Variants in LIG1 observed in about 807,000 individuals in gnomAD.
The protein encoded by LIG1 is ligase I, DNA, ATP-dependent.
Under a neutral mutation model 115.7 loss-of-function variants are expected in LIG1, and 70 were observed. That is an observed-to-expected ratio of 0.60 (90% CI 0.50 to 0.74). The LOEUF (loss-of-function observed/expected upper bound fraction) is 0.74, where lower values mean the gene tolerates loss of function less well. Among genes scored for constraint, LIG1 ranks in the 30% least tolerant of loss-of-function variants. The pLI is 0.00. For synonymous variants in LIG1, 487 were observed against 495.3 expected (o/e 0.98, Z 0.22); for missense variants, 1,115 against 1,225.6 (o/e 0.91, Z 1.35).
Position 48,157,021 on chromosome 19 carries a change from A to T in LIG1, c.363T>A (p.Arg121=), listed in dbSNP as rs553771465. Residue 121 remains arginine (R), a synonymous_variant, in exon 5 of 28, where the codon CGT becomes CGA. Transcript: ENST00000263274. ...GGGCCCGTGTGTTCTCACCTGTGCGACGCTTCGGAATCCCTGATGGGGAAC... is the reference window on the plus strand; with the variant it reads ...GGGCCCGTGTGTTCTCACCTGTGCGTCGCTTCGGAATCCCTGATGGGGAAC... ...MDSSPSGIPK[R]RTARKQLPKR... The T allele has an allele frequency of 6.3e-7, 1 of 1,596,688 alleles. No homozygotes were observed. Among genetic ancestry groups the T allele is most frequent in the East Asian group, 2.3e-5 (1 of 43,300 alleles).
At position 48,142,442 on chromosome 19, in the gene LIG1, C is replaced by CAAAAAAAAAAAAA. The variant is rs561137392; in HGVS notation, c.914+1088_914+1100dup. Reference sequence around the variant, plus strand: ...TGGGCAACAGAGCAAGACTCCATCTCAAAAAAAAAAAAAAACAGAGTGCTG... The same window carrying CAAAAAAAAAAAAA: ...TGGGCAACAGAGCAAGACTCCATCTCAAAAAAAAAAAAAAAAAAAAAAAAAAAACAGAGTGCTG... On this transcript the variant is annotated intron_variant, in intron 11 of 27. Coordinates refer to ENST00000263274, the MANE Select transcript of LIG1 (RefSeq NM_000234.3). Among the ~76,000 whole-genome samples, 16 of 75,610 alleles carry CAAAAAAAAAAAAA rather than the reference C, an allele frequency of 2.1e-4. 1 individual carries two copies. Among genetic ancestry groups the CAAAAAAAAAAAAA allele is most frequent in the South Asian group, 5.4e-4 (1 of 1,844 alleles). 49.6% of individuals were successfully genotyped at this position (75,610 alleles called of 152,430 possible). A position where few individuals can be genotyped will look rare whatever the true frequency, so the allele number is the denominator to read the frequency against.
At chr19:48,167,293 G>C (rs893380199) in intron 1 of LIG1, among the ~76,000 whole-genome samples, 3 of 151,770 alleles carry the variant, frequency 2.0e-5, no homozygotes, top group African/African-American at 7.3e-5. Context: ...AAAAGGACTA[G>C]CAGGACCTCT....
chr19:48,147,590 G>A (rs145911330), intron 9 of LIG1, among the ~76,000 whole-genome samples: 106 of 150,116 alleles, frequency 7.1e-4, no homozygotes, highest in African/African-American at 2.3e-3. Context: ...GGAGGATCCC[G>A]AGCCCAGGAG....
At chr19:48,166,323 G>A (rs1226459180) in intron 1 of LIG1, among the ~76,000 whole-genome samples, 2 of 152,182 alleles carry the variant, frequency 1.3e-5, no homozygotes, top group Non-Finnish European at 2.9e-5. Flanking sequence ...CTTGAACCCG[G>A]GAGGTAGAGG....
rs548077697 is a variant in LIG1 at position 48,121,196 on chromosome 19, T to G, written c.2359A>C (p.Ser787Arg). ...TTGCATATGGCCTGCAGCTCCTCACTGTCCTCGTCGTAGGAGGCCAGCAGG... is the reference window on the plus strand; with the variant it reads ...TTGCATATGGCCTGCAGCTCCTCACGGTCCTCGTCGTAGGAGGCCAGCAGG... ...GFLLASYDED[S>R]EELQAICKLG... is the part of the protein sequence containing the mutation. Residue 787 changes from serine to arginine, a missense_variant, in exon 24 of 28, where the codon AGT becomes CGT. Coordinates refer to ENST00000263274, the MANE Select transcript of LIG1 (RefSeq NM_000234.3). 71 of 1,613,992 alleles carry G rather than the reference T, an allele frequency of 4.4e-5. 2 individuals are homozygous for G. The South Asian group carries it at 7.7e-4, about 17-fold the overall frequency.
chr19:48,137,820 A>C lies in LIG1; in HGVS notation c.1088-132T>G, dbSNP rs1599790419. The C allele has an allele frequency of 8.9e-7, 1 of 1,123,960 alleles. No individual in the cohort carries two copies. The allele number at this position is 1,123,960 out of a possible 1,614,324, so 69.6% of individuals were successfully genotyped here. A position where few individuals can be genotyped will look rare whatever the true frequency, so the allele number is the denominator to read the frequency against. ...CGAGTCCCTGCACCTCCCTGTGTCT[A>C]ACGCTCACCCACTTGGTAGAAATGG... On this transcript the variant is annotated intron_variant, in intron 12 of 27. Coordinates refer to ENST00000263274, the MANE Select transcript of LIG1 (RefSeq NM_000234.3). The surrounding 1 kb of genome is among the most constrained non-coding windows in gnomAD (Gnocchi z 4.3).
In LIG1 at chr19:48,151,344, C is replaced by T. The variant is rs1340253838; in HGVS notation, c.467-5G>A. On this transcript the variant is annotated splice_polypyrimidine_tract_variant and splice_region_variant and intron_variant, in intron 6 of 27. Transcript: ENST00000263274. Reference sequence around the variant, plus strand: ...TTTCTTTCGGGGTCTCCTCTTCTGACGATAGACAGAACGGTCAGATGGCAA... The same window carrying T: ...TTTCTTTCGGGGTCTCCTCTTCTGATGATAGACAGAACGGTCAGATGGCAA... 5.7e-6 allele frequency: 9 copies of T among 1,587,804 alleles called. No individual in the cohort carries two copies. Among genetic ancestry groups the T allele is most frequent in the Middle Eastern group, 1.7e-4 (1 of 6,020 alleles).
intron 5 of LIG1, 51 bp downstream of exon 5, chr19:48,156,953 AAAAAAAAAAG>A: frequency 1.5e-6 from 2 of 1,306,786 alleles, no homozygotes; most frequent in African/African-American, 1.6e-5. Context: ...AAAAAAAAAA[AAAAAAAAAAG>A]AGAAAAAGAA....
intron 19 of LIG1, among the ~76,000 whole-genome samples, chr19:48,128,923 T>C (rs1332965291): frequency 6.7e-6 from 1 of 149,070 alleles, no homozygotes; most frequent in Non-Finnish European, 1.5e-5. Context: ...CCACCATGCC[T>C]GGATAAATTT....
In LIG1 at chr19:48,133,922, G is replaced by A. The variant is rs951688382; in HGVS notation, c.1609+59C>T. On this transcript the variant is annotated intron_variant, in intron 17 of 27. Transcript: ENST00000263274. ...GGGCGCCTACGATGGCCACCCTCAC[G>A]CCGACTCAGGAGGGAGCAGGGCTGC... is the stretch of plus-strand genomic sequence containing the variant. 2.8e-5 allele frequency: 40 copies of A among 1,438,774 alleles called. 1 individual carries two copies. The South Asian group carries it at 3.3e-4, about 12-fold the overall frequency. 89.1% of individuals were successfully genotyped at this position (1,438,774 alleles called of 1,614,324 possible).
intron 1 of LIG1, among the ~76,000 whole-genome samples, chr19:48,166,205 T>C (rs897902710): frequency 2.0e-5 from 3 of 152,190 alleles, no homozygotes; most frequent in African/African-American, 7.2e-5. Context: ...AAGACCAGCC[T>C]GGCTAACATG....
intron 1 of LIG1, among the ~76,000 whole-genome samples, chr19:48,168,507 G>A (rs550861691): frequency 4.1e-4 from 62 of 152,222 alleles, no homozygotes; most frequent in Middle Eastern, 3.4e-3. Flanking sequence ...ACCACCTGGC[G>A]TCTCTATCGG....
Position 48,138,116 on chromosome 19 carries a change from G to A in LIG1, c.1088-428C>T, listed in dbSNP as rs1358312544. Among the ~76,000 whole-genome samples the A allele has an allele frequency of 7.2e-5, 11 of 152,086 alleles. No individual in the cohort carries two copies. In the East Asian group the frequency reaches 1.9e-3, roughly 27 times the overall value. ...ACCAAAGACCCTTCGGCTTGTTTTG[G>A]AGCCACCAGCTTACACACGTGGGAT... On this transcript the variant is annotated intron_variant, in intron 12 of 27. Coordinates refer to ENST00000263274, the MANE Select transcript of LIG1 (RefSeq NM_000234.3).
At chr19:48,149,515 G>A (rs898984642) in intron 9 of LIG1, among the ~76,000 whole-genome samples, 4 of 152,166 alleles carry the variant, frequency 2.6e-5, no homozygotes, top group Non-Finnish European at 5.9e-5. Flanking sequence ...GGGTCAGAGG[G>A]TGGCTGGGGC....
intron 26 of LIG1, among the ~76,000 whole-genome samples, chr19:48,116,447 CAA>C (rs57648628): frequency 2.2e-4 from 22 of 98,364 alleles, no homozygotes; most frequent in African/African-American, 3.7e-4. Context: ...GACTCCAACT[CAA>C]AAAAAAAAAA....
At chr19:48,117,837 C>CTCA (rs1568472770) in intron 25 of LIG1, 56 bp from the exon 26 acceptor site, 2 of 1,596,144 alleles carry the variant, frequency 1.3e-6, no homozygotes. Flanking sequence ...AAGTCAAGGC[C>CTCA]AAGTGTTGGA....
chr19:48,153,923 C>A lies in LIG1; in HGVS notation c.415G>T (p.Glu139Ter). The A allele has an allele frequency of 8.7e-6, 14 of 1,613,322 alleles. No homozygotes were observed. The highest frequency in any genetic ancestry group is 1.2e-5 in the Non-Finnish European group (14 of 1,179,718). ...PKRTIQEVLEEQSEDEDREAK... is the reference protein window; with the variant it reads ...PKRTIQEVLE The stretch of plus-strand genomic sequence containing the variant: ...TCTCTGTCCTCGTCCTCACTCTGCT[C>A]TTCCAGGACTTCCTGAATGGTCCGT... Residue 139 changes from glutamate to a stop codon, truncating the protein, a stop_gained, in exon 6 of 28, where the codon GAG (glutamate) becomes TAG (stop). Coordinates refer to ENST00000263274, the MANE Select transcript of LIG1 (RefSeq NM_000234.3). LOFTEE classifies it high-confidence loss of function.
At chr19:48,147,474 C>G (rs7246229) in intron 9 of LIG1, 3 of 151,600 alleles carry the variant, frequency 2.0e-5, no homozygotes, top group African/African-American at 7.3e-5. Context: ...TCCAGGAGCT[C>G]GACCTGGGCA....
chr19:48,147,105 T>C (rs201186), intron 9 of LIG1, among the ~76,000 whole-genome samples: 3,304 of 152,316 alleles, frequency 0.022, 122 homozygotes, highest in African/African-American at 0.072. Flanking sequence ...AATCATGAAA[T>C]GTTAAAGCTG....
Sources: gnomAD v4.1 joint callset for allele counts (sites outside exome capture counted in the v4.1 genomes callset) on GRCh38, gnomAD v4.1.1 for gene constraint, Gnocchi (gnomAD v3.1) non-coding constraint, MANE v1.5 for transcripts, NCBI Gene and HGNC (gene_info 2026-07-23, HGNC 2026-07-21) for gene names.